The following CDH18 variants were observed in gnomAD, a reference collection of about 807,000 sequenced individuals.
CDH18 encodes the protein cadherin 18, also known as cadherin-18.
A neutral mutation model predicts 67.9 loss-of-function variants in CDH18; 31 were observed. That is an observed-to-expected ratio of 0.46 (90% CI 0.34 to 0.62). The LOEUF is 0.62. CDH18 is among the 20% of genes least tolerant of loss of function. The pLI is 0.01. For missense variants in CDH18, 890 were observed against 975.5 expected (o/e 0.91, Z 1.17); for synonymous variants, 362 against 347.2 (o/e 1.04, Z -0.48).
intron 2 of CDH18, among the ~76,000 whole-genome samples, chr5:19,944,152 T>C (rs1795084925): frequency 6.6e-6 from 1 of 152,150 alleles, no homozygotes; most frequent in Non-Finnish European, 1.5e-5. Context: ...CAGATGATTG[T>C]TCGTTTCCCA....
intron 11 of CDH18, among the ~76,000 whole-genome samples, chr5:19,489,426 T>A (rs1368508383): frequency 6.6e-6 from 1 of 151,916 alleles, no homozygotes; most frequent in African/African-American, 2.4e-5. Flanking sequence ...GTTTTGTATT[T>A]TTAGTAGAGA....
At chr5:20,072,429 A>T (rs182283249) in intron 2 of CDH18, among the ~76,000 whole-genome samples, 27 of 152,138 alleles carry the variant, frequency 1.8e-4, no homozygotes, top group African/African-American at 6.0e-4. Flanking sequence ...ATTGAAGATT[A>T]AAAATTCACA....
chr5:20,064,099 C>T (rs1198036439), intron 2 of CDH18, among the ~76,000 whole-genome samples: 1 of 152,078 alleles, frequency 6.6e-6, no homozygotes, highest in African/African-American at 2.4e-5. Context: ...AATATATTTA[C>T]AATTTAAGAG....
At chr5:19,676,969 CTT>C (rs1386569772) in intron 5 of CDH18, among the ~76,000 whole-genome samples, 1 of 152,042 alleles carries the variant, frequency 6.6e-6, no homozygotes, top group Non-Finnish European at 1.5e-5. Context: ...CCCTTGGTCT[CTT>C]TTTCTCCCTT....
intron 2 of CDH18, among the ~76,000 whole-genome samples, chr5:20,199,946 G>T (rs145586531): frequency 0.011 from 1,685 of 152,100 alleles, 32 homozygotes; most frequent in African/African-American, 0.038. Context: ...TATGATTCTC[G>T]ATTTCCTGAG....
intron 2 of CDH18, among the ~76,000 whole-genome samples, chr5:20,216,456 T>C (rs1345217878): frequency 6.6e-6 from 1 of 152,018 alleles, no homozygotes; most frequent in East Asian, 1.9e-4. Context: ...AAAATTAATC[T>C]CCATAAATAA....
At chr5:20,283,686 A>T (rs890328740) in intron 1 of CDH18, among the ~76,000 whole-genome samples, 3 of 152,150 alleles carry the variant, frequency 2.0e-5, no homozygotes, top group Non-Finnish European at 4.4e-5. Context: ...TATGGAAAAC[A>T]GTTTGGAATT....
At chr5:19,565,743 T>C (rs1561359847) in intron 8 of CDH18, among the ~76,000 whole-genome samples, 1 of 152,314 alleles carries the variant, frequency 6.6e-6, no homozygotes, top group Middle Eastern at 3.4e-3. Context: ...AAAACTTAAG[T>C]CTATGAACTC....
At chr5:19,622,840 C>A (rs1279707806) in intron 5 of CDH18, among the ~76,000 whole-genome samples, 9 of 152,032 alleles carry the variant, frequency 5.9e-5, no homozygotes, top group African/African-American at 2.2e-4. Flanking sequence ...GATGCTTTAC[C>A]CAGTATTCCA....
chr5:20,032,542 G>A (rs1024328149), intron 2 of CDH18, among the ~76,000 whole-genome samples: 1 of 151,952 alleles, frequency 6.6e-6, no homozygotes, highest in Admixed American at 6.6e-5. Context: ...TGTGAATCTC[G>A]AATCTTATCA....
chr5:20,263,562 T>C (rs1332297956), intron 1 of CDH18, among the ~76,000 whole-genome samples: 2 of 152,202 alleles, frequency 1.3e-5, no homozygotes, highest in Non-Finnish European at 2.9e-5. Flanking sequence ...TGTTGAAAGA[T>C]ACATACATCT....
chr5:20,210,186 C>A (rs1740246740), intron 2 of CDH18, among the ~76,000 whole-genome samples: 1 of 151,726 alleles, frequency 6.6e-6, no homozygotes, highest in African/African-American at 2.4e-5. Context: ...ACAAGAACGC[C>A]ATTTAGATTT....
At chr5:19,561,296 G>A (rs149463807) in intron 8 of CDH18, among the ~76,000 whole-genome samples, 2 of 151,916 alleles carry the variant, frequency 1.3e-5, no homozygotes, top group East Asian at 3.9e-4. Context: ...AAGAAAATGT[G>A]GTATACATAA....
chr5:20,364,048 C>T (rs948211581), intron 1 of CDH18, among the ~76,000 whole-genome samples: 1 of 152,044 alleles, frequency 6.6e-6, no homozygotes, highest in Non-Finnish European at 1.5e-5. Flanking sequence ...GTTCCCTTCT[C>T]GTGTTTCTTT....
intron 2 of CDH18, among the ~76,000 whole-genome samples, chr5:20,014,626 A>C (rs1013936642): frequency 6.6e-6 from 1 of 152,176 alleles, no homozygotes; most frequent in African/African-American, 2.4e-5. Context: ...AGCATAAGAA[A>C]ATGAAATCCA....
At position 19,664,534 on chromosome 5, in the gene CDH18, C is replaced by T. The variant is rs187508015; in HGVS notation, c.644-51933G>A. On this transcript the variant is annotated intron_variant, in intron 5 of 12. Coordinates refer to ENST00000382275, the MANE Select transcript of CDH18 (RefSeq NM_004934.5). The stretch of plus-strand genomic sequence containing the variant: ...TAAGGACAAAAAATATTGTGAAATA[C>T]CAAAACCTGGTATAAATAAATCAAC... 2.0e-3 allele frequency among the ~76,000 whole-genome samples: 302 copies of T among 151,838 alleles called. 1 individual carries two copies. The highest frequency in any genetic ancestry group is 0.017 in the Middle Eastern group (5 of 294).
intron 2 of CDH18, among the ~76,000 whole-genome samples, chr5:19,882,791 G>A (rs182430475): frequency 4.6e-5 from 7 of 152,076 alleles, no homozygotes; most frequent in Admixed American, 2.6e-4. Context: ...AAAAAAATAC[G>A]TATGTATGAT....
chr5:19,612,728 G>C, intron 5 of CDH18, 127 bp from the exon 6 acceptor site: 2 of 698,566 alleles, frequency 2.9e-6, no homozygotes, highest in Non-Finnish European at 4.7e-6. Flanking sequence ...TCACACGTCT[G>C]AGAAAAACAA....
At chr5:19,622,491 T>C (rs554240634) in intron 5 of CDH18, among the ~76,000 whole-genome samples, 1 of 152,320 alleles carries the variant, frequency 6.6e-6, no homozygotes, top group South Asian at 2.1e-4. Flanking sequence ...ATCAGTCATC[T>C]GGGTCTATTT....
Sources: allele counts gnomAD v4.1 joint callset (sites outside exome capture counted in the v4.1 genomes callset), GRCh38; gene constraint gnomAD v4.1.1; transcripts MANE v1.5; gene names NCBI Gene and HGNC (gene_info 2026-07-23, HGNC 2026-07-21).